Variants in SCN4A observed in about 807,000 individuals in gnomAD.
SCN4A encodes sodium voltage-gated channel alpha subunit 4.
In SCN4A, 83 loss-of-function variants were observed where a neutral mutation model predicts 162.0. The observed-to-expected ratio is 0.51, with a 90% confidence interval of 0.43 to 0.61. The LOEUF (loss-of-function observed/expected upper bound fraction) is 0.61. Among genes scored for constraint, SCN4A ranks in the 20% least tolerant of loss-of-function variants. The pLI is 0.00. For missense variants in SCN4A, 2,196 were observed against 2,462.5 expected, an observed-to-expected ratio of 0.89 and a Z score of 2.29; for synonymous variants, 944 against 985.1, an observed-to-expected ratio of 0.96 and a Z score of 0.78.
At position 63,941,814 on chromosome 17, in the gene SCN4A, AGAG is replaced by A; in HGVS notation, c.4465_4467del (p.Leu1489del). ...ATGGAGTAGATGAACATGACCAGGA[AGAG>A]GAGGAGGCCGATGTTGAAGAGGGCA... On this transcript the variant is annotated inframe_deletion, in exon 24 of 24. Coordinates refer to ENST00000435607, the MANE Select transcript of SCN4A (RefSeq NM_000334.4). This position sits in a 1 kb window ranked among gnomAD's most constrained non-coding sequence, Gnocchi z 6.2. 1.2e-6 allele frequency: 2 copies of A among 1,614,206 alleles called. No individual in the cohort carries two copies. Among genetic ancestry groups the A allele is most frequent in the Non-Finnish European group, 8.5e-7 (1 of 1,180,024 alleles).
chr17:63,947,025 G>T lies in SCN4A; in HGVS notation c.3441+20C>A, dbSNP rs1191836562. ...GGTCCCCCATCCCCAGCCCACCCCAGAGGCCCCTTCAGCACCCACCCTCAT... is the reference window on the plus strand; with the variant it reads ...GGTCCCCCATCCCCAGCCCACCCCATAGGCCCCTTCAGCACCCACCCTCAT... On this transcript the variant is annotated intron_variant, in intron 18 of 23. Coordinates refer to ENST00000435607, the MANE Select transcript of SCN4A (RefSeq NM_000334.4). 2.5e-6 allele frequency: 2 copies of T among 799,794 alleles called. No homozygotes were observed. Among genetic ancestry groups the T allele is most frequent in the South Asian group, 1.3e-5 (1 of 74,538 alleles). The allele number at this position is 799,794 out of a possible 1,614,324, so 49.5% of individuals were successfully genotyped here.
chr17:63,963,388 A>G (rs974049360), intron 10 of SCN4A, among the ~76,000 whole-genome samples: 1 of 152,234 alleles, frequency 6.6e-6, no homozygotes, highest in Admixed American at 6.5e-5. Flanking sequence ...TTCCCATAGC[A>G]GCCTGGCCTT....
chr17:63,942,936 A>T lies in SCN4A; in HGVS notation c.4178T>A (p.Ile1393Asn). The change falls in exon 23 of 24, where the codon ATC (isoleucine) becomes AAC (asparagine). Residue 1393 changes from isoleucine (I) to asparagine (N), a missense_variant. Ile to Asn is a moderately radical substitution (Grantham distance 149, BLOSUM62 -3). Coordinates refer to ENST00000435607, the MANE Select transcript of SCN4A (RefSeq NM_000334.4). Reference sequence around the variant, plus strand: ...CACGCACTCCCCTGTGAAGATGATGATGAAGATCATGTTGATGTTGTACAG... The same window carrying T: ...CACGCACTCCCCTGTGAAGATGATGTTGAAGATCATGTTGATGTTGTACAG... ...DILYNINMIF[I>N]IIFTGECVLK... The T allele has an allele frequency of 6.2e-7, 1 of 1,614,034 alleles. No homozygotes were observed. The highest frequency in any genetic ancestry group is 8.5e-7 in the Non-Finnish European group (1 of 1,179,888).
In SCN4A at chr17:63,945,576, G is replaced by A. The variant is rs777665526; in HGVS notation, c.3504C>T (p.Leu1168=). Residue 1168 remains leucine, a synonymous_variant, in exon 19 of 24, where the codon CTC becomes CTT. Coordinates refer to ENST00000435607, the MANE Select transcript of SCN4A (RefSeq NM_000334.4). This position sits in a 1 kb window ranked among gnomAD's most constrained non-coding sequence, Gnocchi z 4.4. ...TGATGCTGAAGATCAGCCAGAAGATGAGGCAGACAAGCAGCACATTCATGA... is the reference window on the plus strand; with the variant it reads ...TGATGCTGAAGATCAGCCAGAAGATAAGGCAGACAAGCAGCACATTCATGA... ...PSIMNVLLVC[L]IFWLIFSIMG... 6 of 1,614,058 alleles carry A rather than the reference G, an allele frequency of 3.7e-6. No individual in the cohort carries two copies. Among genetic ancestry groups the A allele is most frequent in the South Asian group, 2.2e-5 (2 of 91,084 alleles).
Position 63,971,722 on chromosome 17 carries a change from G to A in SCN4A, c.611C>T (p.Ala204Val), listed in dbSNP as rs199859508. The A allele has an allele frequency of 3.5e-5, 55 of 1,591,744 alleles. No individual in the cohort carries two copies. In the African/African-American group the frequency reaches 6.2e-4, roughly 18 times the overall value. Residue 204 changes from alanine (A) to valine (V), a missense_variant and splice_region_variant, in exon 4 of 24, where the codon GCG becomes GTG. By Grantham distance (64) the Ala-to-Val change is moderately conservative. Coordinates refer to ENST00000435607, the MANE Select transcript of SCN4A (RefSeq NM_000334.4). Reference protein sequence around the residue: ...NWLDFSVIMMAYLTEFVDLGN... With the variant: ...NWLDFSVIMMVYLTEFVDLGN... ...AGGATGTCCTGGGGCCCCTGCTCAC[G>A]CCATCATGATGACACTGAAGTCCAG...
intron 7 of SCN4A, 71 bp from the exon 8 acceptor site, chr17:63,966,314 A>G: frequency 6.6e-7 from 1 of 1,519,106 alleles, no homozygotes; most frequent in Non-Finnish European, 9.0e-7. Context: ...AGGGACCCCA[A>G]GGGAAAAATT....
At position 63,972,065 on chromosome 17, in the gene SCN4A, A is replaced by G; in HGVS notation, c.482+71T>C. 8.1e-7 allele frequency: 1 copy of G among 1,234,148 alleles called. No homozygotes were observed. The highest frequency in any genetic ancestry group is 1.2e-6 in the Non-Finnish European group (1 of 850,962). The allele number at this position is 1,234,148 out of a possible 1,614,324, so 76.4% of individuals were successfully genotyped here. A position where few individuals can be genotyped will look rare whatever the true frequency, so the allele number is the denominator to read the frequency against. On this transcript the variant is annotated intron_variant, in intron 3 of 23. Transcript: ENST00000435607. This position sits in a 1 kb window ranked among gnomAD's most constrained non-coding sequence, Gnocchi z 4.3. ...CTCCCTGAAAGACAAGAGCAGCACC[A>G]CACAGAGGTGCAAACACCTGAGATG...
At chr17:63,954,455 G>A (rs1909011372) in intron 13 of SCN4A, among the ~76,000 whole-genome samples, 2 of 152,166 alleles carry the variant, frequency 1.3e-5, no homozygotes, top group Admixed American at 1.3e-4. Context: ...TTTGCACACG[G>A]CTCCTGCCCA....
rs1245991831 is a variant in SCN4A, at chr17:63,951,745, C to G, written c.2532G>C (p.Leu844=). The change falls in exon 14 of 24, where the codon CTG becomes CTC. Residue 844 remains leucine, a synonymous_variant. Coordinates refer to ENST00000435607, the MANE Select transcript of SCN4A (RefSeq NM_000334.4). This position sits in a 1 kb window ranked among gnomAD's most constrained non-coding sequence, Gnocchi z 4.5. ...GFAKAFLLGL[L]HGKILSPKDI... ...CCTTGGGGCTCAGGATCTTGCCATG[C>G]AGCAGCCCCAGGAGGAAGGCCTTGG... is the stretch of plus-strand genomic sequence containing the variant. 1 of 1,587,774 alleles carries G rather than the reference C, an allele frequency of 6.3e-7. No homozygotes were observed. The highest frequency in any genetic ancestry group is 8.6e-7 in the Non-Finnish European group (1 of 1,167,028).
In SCN4A at chr17:63,968,103, T is replaced by C; in HGVS notation, c.956A>G (p.Tyr319Cys). The C allele has an allele frequency of 1.2e-6, 2 of 1,613,944 alleles. No homozygotes were observed. The highest frequency in any genetic ancestry group is 1.7e-6 in the Non-Finnish European group (2 of 1,179,864). ...ATGGCTGTTCCACGTGTCGTTGGCA[T>C]ACCATGAGTCATTGCCGTACCACAT... is the stretch of plus-strand genomic sequence containing the variant. ...NEMWYGNDSW[Y>C]ANDTWNSHAS... Residue 319 changes from tyrosine to cysteine, a missense_variant, in exon 6 of 24, where the codon TAT (tyrosine) becomes TGT (cysteine). By Grantham distance (194) the Tyr-to-Cys change is radical. Coordinates refer to ENST00000435607, the MANE Select transcript of SCN4A (RefSeq NM_000334.4).
intron 8 of SCN4A, among the ~76,000 whole-genome samples, chr17:63,965,481 A>G (rs11079516): frequency 0.79 from 120,640 of 152,130 alleles, 50,267 homozygotes; most frequent in East Asian, 0.97. Context: ...TATGGGCAAC[A>G]TCGAATTTCT....
Position 63,968,160 on chromosome 17 carries a change from C to T in SCN4A, c.899G>A (p.Trp300Ter). The T allele has an allele frequency of 1.2e-6, 2 of 1,613,928 alleles. No individual in the cohort carries two copies. The highest frequency in any genetic ancestry group is 1.7e-6 in the Non-Finnish European group (2 of 1,179,876). Residue 300 changes from tryptophan (W) to a stop codon, truncating the protein, a stop_gained, in exon 6 of 24, where the codon TGG becomes TAG. Coordinates refer to ENST00000435607, the MANE Select transcript of SCN4A (RefSeq NM_000334.4). LOFTEE classifies it high-confidence loss of function. Reference protein sequence around the residue: ...TNTTWYSNDTWYGNDTWYGNE... With the variant: ...TNTTWYSNDT ...GCCATACCATGTGTCATTGCCGTACCACGTGTCATTGCTGTACCACGTGGT... is the reference window on the plus strand; with the variant it reads ...GCCATACCATGTGTCATTGCCGTACTACGTGTCATTGCTGTACCACGTGGT...
At chr17:63,965,704 G>A (rs572665781) in intron 8 of SCN4A, among the ~76,000 whole-genome samples, 1 of 152,164 alleles carries the variant, frequency 6.6e-6, no homozygotes, top group African/African-American at 2.4e-5. Context: ...GGCCAGGCTG[G>A]TCTCGAACTC....
chr17:63,959,120 AG>A, intron 12 of SCN4A, 144 bp downstream of exon 12: 1 of 623,510 alleles, frequency 1.6e-6, no homozygotes. Context: ...AGGTTCTGAG[AG>A]GTAACAGGTG....
intron 15 of SCN4A, among the ~76,000 whole-genome samples, 188 bp downstream of exon 15, chr17:63,949,205 C>T (rs1431099052): frequency 2.0e-5 from 3 of 152,232 alleles, no homozygotes; most frequent in Non-Finnish European, 2.9e-5. Context: ...GCTAGGTCTG[C>T]ACCAAGGGCT....
intron 18 of SCN4A, 128 bp downstream of exon 18, chr17:63,946,917 G>T: frequency 2.1e-6 from 2 of 931,468 alleles, no homozygotes; most frequent in Non-Finnish European, 3.2e-6. Context: ...CCTCAGGCAG[G>T]GCCGTGGGTC....
rs891350625 is a variant in SCN4A, at chr17:63,950,859, G to T, written c.2853+565C>A. 6.6e-6 allele frequency among the ~76,000 whole-genome samples: 1 copy of T among 152,238 alleles called. No homozygotes were observed. The highest frequency in any genetic ancestry group is 1.5e-5 in the Non-Finnish European group (1 of 68,042). On this transcript the variant is annotated intron_variant, in intron 14 of 23. Coordinates refer to ENST00000435607, the MANE Select transcript of SCN4A (RefSeq NM_000334.4). The surrounding 1 kb of genome is among the most constrained non-coding windows in gnomAD (Gnocchi z 4.6). ...CCAGCAGCACACCCCCTGCATGGCT[G>T]AGGGGTCAGGGCTCCTGCCTGAGGC... is the stretch of plus-strand genomic sequence containing the variant.
Position 63,945,824 on chromosome 17 carries a change from G to A in SCN4A, c.3442-186C>T, listed in dbSNP as rs954635020. Among the ~76,000 whole-genome samples the A allele has an allele frequency of 6.6e-6, 1 of 151,954 alleles. No homozygotes were observed. Among genetic ancestry groups the A allele is most frequent in the African/African-American group, 2.4e-5 (1 of 41,350 alleles). ...GGGTGGTAAGGGGGAGGGGGAGGGA[G>A]CTGCAGGCCTGGTGGTCAAGAGGGC... On this transcript the variant is annotated intron_variant, in intron 18 of 23. Coordinates refer to ENST00000435607, the MANE Select transcript of SCN4A (RefSeq NM_000334.4). The surrounding 1 kb of genome is among the most constrained non-coding windows in gnomAD (Gnocchi z 4.4).
At chr17:63,959,668 A>G (rs1909183222) in intron 11 of SCN4A, among the ~76,000 whole-genome samples, 1 of 152,302 alleles carries the variant, frequency 6.6e-6, no homozygotes, top group Admixed American at 6.5e-5. Flanking sequence ...ACCCGTTCCC[A>G]TTCATTTCTG....
Sources: gnomAD v4.1 joint callset for allele counts (sites outside exome capture counted in the v4.1 genomes callset) on GRCh38, gnomAD v4.1.1 for gene constraint, Gnocchi (gnomAD v3.1) non-coding constraint, MANE v1.5 for transcripts, NCBI Gene and HGNC (gene_info 2026-07-23, HGNC 2026-07-21) for gene names.